The following LINGO2 variants were observed in gnomAD, a reference collection of about 807,000 sequenced individuals.
The protein encoded by LINGO2 is leucine rich repeat and Ig domain containing 2.
A neutral mutation model predicts 30.6 loss-of-function variants in LINGO2; 14 were observed. The ratio of observed to expected loss-of-function variants is 0.46; its 90% CI spans 0.30 to 0.72. The LOEUF is 0.72. LINGO2 is among the 30% of genes least tolerant of loss of function. LINGO2 has a pLI of 0.07. For missense variants in LINGO2, 729 were observed against 751.7 expected, an observed-to-expected ratio of 0.97 and a Z score of 0.35; for synonymous variants, 317 against 288.5, an observed-to-expected ratio of 1.10 and a Z score of -1.00.
chr9:28,972,081 C>A, the LINGO2 span, among the ~76,000 whole-genome samples: 1 of 152,226 alleles, frequency 6.6e-6, no homozygotes, highest in Admixed American at 6.5e-5. Flanking sequence ...AGAACCACAG[C>A]ATTACTGCGC....
chr9:28,587,183 T>A (rs1384072771), intron 1 of LINGO2, among the ~76,000 whole-genome samples: 1 of 151,950 alleles, frequency 6.6e-6, no homozygotes, highest in Non-Finnish European at 1.5e-5. Context: ...TTGGTGGGGA[T>A]CAGCTGTTAC....
chr9:28,538,018 A>T lies in LINGO2; in HGVS notation c.-364-61993T>A, dbSNP rs1821510184. On this transcript the variant is annotated intron_variant, in intron 1 of 5. Coordinates refer to ENST00000379992, the Ensembl canonical transcript of LINGO2. Reference sequence around the variant, plus strand: ...GTTAGAATCAACCACAGTTAACAAGACAGTGAAAAAATAGATTTTAAGTAT... The same window carrying T: ...GTTAGAATCAACCACAGTTAACAAGTCAGTGAAAAAATAGATTTTAAGTAT... Among the ~76,000 whole-genome samples the T allele has an allele frequency of 4.6e-5, 7 of 152,050 alleles. No individual in the cohort carries two copies. In the South Asian group the frequency reaches 1.4e-3, roughly 31 times the overall value.
At chr9:28,971,795 T>C in the LINGO2 span, among the ~76,000 whole-genome samples, 1 of 152,064 alleles carries the variant, frequency 6.6e-6, no homozygotes, top group African/African-American at 2.4e-5. Flanking sequence ...GGACCTTGAG[T>C]GAACATAGGC....
At chr9:29,092,114 C>T in the LINGO2 span, among the ~76,000 whole-genome samples, 1 of 151,896 alleles carries the variant, frequency 6.6e-6, no homozygotes, top group Non-Finnish European at 1.5e-5. Flanking sequence ...GAATCTGTGC[C>T]TTAGTTGTAT....
chr9:28,730,634 A>T, the LINGO2 span, among the ~76,000 whole-genome samples: 1 of 152,176 alleles, frequency 6.6e-6, no homozygotes, highest in Non-Finnish European at 1.5e-5. Context: ...GAAAATGGGC[A>T]AAATACATGA....
At position 28,274,098 on chromosome 9, in the gene LINGO2, G is replaced by A. The variant is rs375266179; in HGVS notation, c.-87+21110C>T. 2.9e-4 allele frequency among the ~76,000 whole-genome samples: 44 copies of A among 152,214 alleles called. No homozygotes were observed. The East Asian group carries it at 5.8e-3, about 20-fold the overall frequency. On this transcript the variant is annotated intron_variant, in intron 4 of 5. Transcript: ENST00000379992. Reference sequence around the variant, plus strand: ...AATGGAGTTATAATTAATATTTACTGTAGATGATGACATCTATGGACATAT... The same window carrying A: ...AATGGAGTTATAATTAATATTTACTATAGATGATGACATCTATGGACATAT...
At chr9:28,521,806 C>CT (rs1488432095) in intron 1 of LINGO2, among the ~76,000 whole-genome samples, 2 of 152,038 alleles carry the variant, frequency 1.3e-5, no homozygotes, top group Non-Finnish European at 2.9e-5. Flanking sequence ...GGTTTAATGA[C>CT]TGAGGTCCTA....
chr9:29,194,809 A>C, the LINGO2 span, among the ~76,000 whole-genome samples: 1 of 152,196 alleles, frequency 6.6e-6, no homozygotes, highest in African/African-American at 2.4e-5. Flanking sequence ...TCAAAATAAT[A>C]ATACAATATC....
the LINGO2 span, among the ~76,000 whole-genome samples, chr9:28,789,338 A>G: frequency 6.6e-6 from 1 of 152,232 alleles, no homozygotes; most frequent in African/African-American, 2.4e-5. Flanking sequence ...TCTTATTGTC[A>G]TGAACCACAA....
intron 1 of LINGO2, among the ~76,000 whole-genome samples, chr9:28,607,046 C>T (rs1563859791): frequency 1.3e-5 from 2 of 152,052 alleles, no homozygotes; most frequent in East Asian, 3.9e-4. Context: ...TTTAAAATAT[C>T]CGAAGGAAAT....
At chr9:28,565,737 G>A (rs1458242889) in intron 1 of LINGO2, among the ~76,000 whole-genome samples, 7 of 151,142 alleles carry the variant, frequency 4.6e-5, no homozygotes, top group African/African-American at 1.7e-4. Context: ...GTATTTTTTA[G>A]TAGAGACGGG....
chr9:28,093,806 G>A (rs1271849009), intron 4 of LINGO2, among the ~76,000 whole-genome samples: 2 of 151,946 alleles, frequency 1.3e-5, no homozygotes, highest in East Asian at 3.9e-4. Flanking sequence ...ACCACACTCC[G>A]GGAAGACCTT....
the LINGO2 span, among the ~76,000 whole-genome samples, chr9:28,727,903 C>A: frequency 6.6e-6 from 1 of 152,028 alleles, no homozygotes; most frequent in Non-Finnish European, 1.5e-5. Context: ...GATACAGAGG[C>A]AGAGATAAAG....
chr9:28,795,720 T>C, the LINGO2 span, among the ~76,000 whole-genome samples: 1 of 152,060 alleles, frequency 6.6e-6, no homozygotes, highest in Non-Finnish European at 1.5e-5. Flanking sequence ...GGTGGCCCTC[T>C]TTAGCATTTT....
the LINGO2 span, among the ~76,000 whole-genome samples, chr9:29,034,177 AAAATTGTTAAAGACTTT>A: frequency 1.3e-5 from 2 of 152,186 alleles, no homozygotes; most frequent in Non-Finnish European, 2.9e-5. Flanking sequence ...ATATACCAAC[AAAATTGTTAAAGACTTT>A]AAATATTGCT....
intron 4 of LINGO2, among the ~76,000 whole-genome samples, chr9:28,066,627 T>A (rs1825322167): frequency 6.6e-6 from 1 of 152,218 alleles, no homozygotes; most frequent in East Asian, 1.9e-4. Context: ...CATTAAATGA[T>A]AAGATTTAGG....
At chr9:28,013,151 T>C (rs1224667878) in intron 4 of LINGO2, among the ~76,000 whole-genome samples, 5 of 152,214 alleles carry the variant, frequency 3.3e-5, no homozygotes, top group Admixed American at 6.5e-5. Context: ...GGGTCTCTAG[T>C]AACAATCAGG....
intron 4 of LINGO2, among the ~76,000 whole-genome samples, chr9:28,212,967 T>C (rs1411908317): frequency 6.6e-6 from 1 of 151,568 alleles, no homozygotes; most frequent in Non-Finnish European, 1.5e-5. Context: ...TACTGGATCC[T>C]TACACACACA....
At chr9:28,325,442 G>A (rs1825193633) in intron 3 of LINGO2, among the ~76,000 whole-genome samples, 2 of 152,008 alleles carry the variant, frequency 1.3e-5, no homozygotes, top group Non-Finnish European at 2.9e-5. Flanking sequence ...GGTCTGATAT[G>A]GTTTGGCTGT....
Sources: allele counts gnomAD v4.1 joint callset (sites outside exome capture counted in the v4.1 genomes callset), GRCh38; gene constraint gnomAD v4.1.1; transcripts MANE v1.5; gene names NCBI Gene and HGNC (gene_info 2026-07-23, HGNC 2026-07-21).